CNNM2: variants seen among roughly 807,000 people sequenced by gnomAD.
The protein encoded by CNNM2 is metal transporter CNNM2.
Under a neutral mutation model 66.9 loss-of-function variants are expected in CNNM2, and 12 were observed. The observed-to-expected ratio is 0.18, with a 90% CI of 0.11 to 0.29. The LOEUF is 0.29. CNNM2 is among the 10% of genes least tolerant of loss of function. CNNM2 has a pLI of 1.00. For missense variants in CNNM2, 705 were observed against 1,167.7 expected (o/e 0.60, Z 5.77); for synonymous variants, 557 against 501.8 (o/e 1.11, Z -1.47).
intron 1 of CNNM2, among the ~76,000 whole-genome samples, chr10:103,036,616 C>T (rs1311117333): frequency 6.6e-6 from 1 of 152,176 alleles, no homozygotes; most frequent in Admixed American, 6.5e-5. Context: ...CTCCAAAAAC[C>T]GTTTCTCTCT....
At chr10:102,988,709 C>CT (rs1329496925) in intron 1 of CNNM2, among the ~76,000 whole-genome samples, 2 of 152,096 alleles carry the variant, frequency 1.3e-5, no homozygotes, top group Non-Finnish European at 2.9e-5. Flanking sequence ...CACACCCTAT[C>CT]TTTTGGGCAC....
rs71019655 is a variant in CNNM2 at position 103,087,140 on chromosome 10, ATTTTTTTTTTTTTTTT to A, written c.*9977_*9992del. ...TTCTCACGGTATAAAACTCCGCAGGATTTTTTTTTTTTTTTTTTTTTTTTTTTTTTTTAAGGAAAAA... is the reference window on the plus strand; with the variant it reads ...TTCTCACGGTATAAAACTCCGCAGGATTTTTTTTTTTTTTTTAAGGAAAAA... On this transcript the variant is annotated 3_prime_UTR_variant, in exon 8 of 8. Transcript: ENST00000369878. The A allele has an allele frequency of 4.1e-4, 31 of 75,380 alleles. No homozygotes were observed. The highest frequency in any genetic ancestry group is 2.0e-3 in the East Asian group (4 of 1,986). The allele number at this position is 75,380 out of a possible 1,614,324, so 4.7% of individuals were successfully genotyped here.
At position 103,089,452 on chromosome 10, in the gene CNNM2, T is replaced by TAATA; in HGVS notation, c.*12273_*12276dup. 1 of 657,326 alleles carries TAATA rather than the reference T, an allele frequency of 1.5e-6. No homozygotes were observed. The allele number at this position is 657,326 out of a possible 1,614,324, so 40.7% of individuals were successfully genotyped here. A position where few individuals can be genotyped will look rare whatever the true frequency, so the allele number is the denominator to read the frequency against. ...GCCTGATTTTACCCTTATTTTCTTC[T>TAATA]AATACAGACTCCATTACAATTTTGG... is the stretch of plus-strand genomic sequence containing the variant. On this transcript the variant is annotated 3_prime_UTR_variant, in exon 8 of 8. Coordinates refer to ENST00000369878, the MANE Select transcript of CNNM2 (RefSeq NM_017649.5).
chr10:103,058,616 CTA>C (rs2065332959), intron 4 of CNNM2, among the ~76,000 whole-genome samples: 1 of 152,170 alleles, frequency 6.6e-6, no homozygotes, highest in Non-Finnish European at 1.5e-5. Context: ...GATAAGACAT[CTA>C]TGTATATTTA....
At position 103,088,897 on chromosome 10, in the gene CNNM2, A is replaced by T; in HGVS notation, c.*11717A>T. 1 of 211,042 alleles carries T rather than the reference A, an allele frequency of 4.7e-6. No homozygotes were observed. The highest frequency in any genetic ancestry group is 9.6e-6 in the Non-Finnish European group (1 of 104,082). 13.1% of individuals were successfully genotyped at this position (211,042 alleles called of 1,614,324 possible). A position where few individuals can be genotyped will look rare whatever the true frequency, so the allele number is the denominator to read the frequency against. ...TGCATGTTCTGTAGTATAAGAAGGC[A>T]GTTCTTCCCTTTCTTTTCTGGGGGC... On this transcript the variant is annotated 3_prime_UTR_variant, in exon 8 of 8. Transcript: ENST00000369878.
At position 102,919,839 on chromosome 10, in the gene CNNM2, C is replaced by T; in HGVS notation, c.1359C>T (p.Leu453=). 1.9e-6 allele frequency: 3 copies of T among 1,614,196 alleles called. No homozygotes were observed. The highest frequency in any genetic ancestry group is 1.1e-5 in the South Asian group (1 of 91,084). ...TKTVEDVMTP[L]RDCFMITGEA... The stretch of plus-strand genomic sequence containing the variant: ...CGGTGGAGGACGTGATGACCCCACT[C>T]CGGGACTGCTTCATGATCACCGGCG... The change falls in exon 1 of 8, where the codon CTC becomes CTT. Residue 453 remains leucine (L), a synonymous_variant. Transcript: ENST00000369878.
rs1590244475 is a variant in CNNM2 at position 102,919,233 on chromosome 10, C to G, written c.753C>G (p.Phe251Leu). ...TKMIVGEEKK[F>L]LLPFWLQVIF... ...TGATCGTAGGCGAAGAGAAGAAGTT[C>G]CTGCTGCCCTTCTGGCTGCAGGTGA... is the stretch of plus-strand genomic sequence containing the variant. Residue 251 changes from phenylalanine (F) to leucine (L), a missense_variant, in exon 1 of 8, where the codon TTC becomes TTG. Phe to Leu is a conservative substitution (Grantham distance 22). This residue lies in a region of CNNM2 where 49 missense variants were observed against 183.7 expected (regional missense o/e 0.27). Transcript: ENST00000369878. 6.2e-7 allele frequency: 1 copy of G among 1,613,320 alleles called. No homozygotes were observed. The highest frequency in any genetic ancestry group is 1.3e-5 in the African/African-American group (1 of 74,944).
intron 4 of CNNM2, among the ~76,000 whole-genome samples, chr10:103,062,890 G>A (rs138469783): frequency 6.6e-6 from 1 of 152,348 alleles, no homozygotes; most frequent in East Asian, 1.9e-4. Flanking sequence ...AATGTGCAGA[G>A]GATTCACCTG....
intron 1 of CNNM2, among the ~76,000 whole-genome samples, chr10:103,011,400 C>T (rs1019648185): frequency 1.3e-5 from 2 of 152,130 alleles, no homozygotes; most frequent in Non-Finnish European, 2.9e-5. Flanking sequence ...TTGCAGTAAG[C>T]TGAGATTGTG....
At position 103,083,285 on chromosome 10, in the gene CNNM2, C is replaced by T. The variant is rs558107275; in HGVS notation, c.*6105C>T. 4 of 152,268 alleles carry T rather than the reference C, an allele frequency of 2.6e-5. No individual in the cohort carries two copies. Among genetic ancestry groups the T allele is most frequent in the East Asian group, 1.9e-4 (1 of 5,186 alleles). 9.4% of individuals were successfully genotyped at this position (152,268 alleles called of 1,614,324 possible). On this transcript the variant is annotated 3_prime_UTR_variant, in exon 8 of 8. Coordinates refer to ENST00000369878, the MANE Select transcript of CNNM2 (RefSeq NM_017649.5). Reference sequence around the variant, plus strand: ...AATTCAAATGATGTAGATGTACAGTCTCTCCTATTTATTTTGTACCAATTT... The same window carrying T: ...AATTCAAATGATGTAGATGTACAGTTTCTCCTATTTATTTTGTACCAATTT...
chr10:103,061,394 AAAAT>A (rs2065383464), intron 4 of CNNM2, among the ~76,000 whole-genome samples: 1 of 152,168 alleles, frequency 6.6e-6, no homozygotes, highest in African/African-American at 2.4e-5. Flanking sequence ...CTGTCTCAAA[AAAAT>A]ATATATAATA....
chr10:102,919,507 G>C lies in CNNM2; in HGVS notation c.1027G>C (p.Val343Leu), dbSNP rs1420782417. 2 of 1,612,678 alleles carry C rather than the reference G, an allele frequency of 1.2e-6. No homozygotes were observed. The highest frequency in any genetic ancestry group is 2.7e-5 in the African/African-American group (2 of 74,936). Residue 343 changes from valine to leucine, a missense_variant, in exon 1 of 8, where the codon GTG becomes CTG. Val to Leu is a conservative substitution (Grantham distance 32, BLOSUM62 1). Transcript: ENST00000369878. ...LLDDIAGSGL[V>L]AVVVSTIGIV... The stretch of plus-strand genomic sequence containing the variant: ...CGACGACATCGCCGGCTCGGGCCTC[G>C]TGGCCGTGGTAGTCTCCACCATCGG...
At chr10:102,971,241 C>T (rs1305332215) in intron 1 of CNNM2, among the ~76,000 whole-genome samples, 5 of 135,318 alleles carry the variant, frequency 3.7e-5, no homozygotes, top group South Asian at 4.8e-4. Context: ...TTAGAGACCT[C>T]GTCCCTAAAA....
In CNNM2 at chr10:102,918,498, T is replaced by C. The variant is rs1396957548; in HGVS notation, c.18T>C (p.Ala6=). The part of the protein sequence containing the change: MIGCG[A]CEPKVKMAGG... ...GCCACCCTATGATTGGCTGTGGCGC[T>C]TGTGAACCCAAAGTAAAGATGGCGG... Residue 6 remains alanine, a synonymous_variant, in exon 1 of 8, where the codon GCT becomes GCC. Coordinates refer to ENST00000369878, the MANE Select transcript of CNNM2 (RefSeq NM_017649.5). This position sits in a 1 kb window ranked among gnomAD's most constrained non-coding sequence, Gnocchi z 4.1. 1.9e-6 allele frequency: 3 copies of C among 1,607,428 alleles called. No homozygotes were observed. The highest frequency in any genetic ancestry group is 1.7e-5 in the Admixed American group (1 of 59,634).
intron 1 of CNNM2, among the ~76,000 whole-genome samples, chr10:103,007,473 T>G (rs2064250026): frequency 6.6e-6 from 1 of 152,108 alleles, no homozygotes; most frequent in African/African-American, 2.4e-5. Context: ...AGTCCTTATC[T>G]CAACCACGTA....
intron 1 of CNNM2, among the ~76,000 whole-genome samples, chr10:102,947,763 A>G (rs953303373): frequency 1.3e-5 from 2 of 150,270 alleles, no homozygotes; most frequent in African/African-American, 4.9e-5. Flanking sequence ...TCAAAAACAA[A>G]CAAACAGGCC....
At chr10:103,021,135 G>A (rs539185049) in intron 1 of CNNM2, among the ~76,000 whole-genome samples, 3 of 152,216 alleles carry the variant, frequency 2.0e-5, no homozygotes, top group African/African-American at 4.8e-5. Flanking sequence ...CAGGCAAGGC[G>A]GGAGAGAAGG....
At chr10:102,926,551 T>C (rs542940121) in intron 1 of CNNM2, among the ~76,000 whole-genome samples, 1 of 152,190 alleles carries the variant, frequency 6.6e-6, no homozygotes, top group Admixed American at 6.5e-5. Flanking sequence ...CTTTTACTTA[T>C]TTATTTTCAA....
intron 1 of CNNM2, among the ~76,000 whole-genome samples, chr10:102,924,044 A>G (rs756661223): frequency 3.9e-5 from 6 of 152,218 alleles, no homozygotes; most frequent in Non-Finnish European, 7.3e-5. Flanking sequence ...CATGCAAGGA[A>G]CCTTTCTCTT....
Sources: gnomAD v4.1 joint callset for allele counts (sites outside exome capture counted in the v4.1 genomes callset) on GRCh38, gnomAD v4.1.1 for gene constraint, gnomAD v4.1.1 regional missense constraint, Gnocchi (gnomAD v3.1) non-coding constraint, MANE v1.5 for transcripts, NCBI Gene and HGNC (gene_info 2026-07-23, HGNC 2026-07-21) for gene names.